The following PPFIBP1 variants were observed in gnomAD, a reference collection of about 807,000 sequenced individuals.
The protein encoded by PPFIBP1 is PPFIB scaffold protein 1.
Under a neutral mutation model 137.8 loss-of-function variants are expected in PPFIBP1, and 112 were observed. The observed-to-expected ratio is 0.81, with a 90% CI of 0.70 to 0.95. PPFIBP1 has a LOEUF of 0.95. Ranked by LOEUF, PPFIBP1 falls within the 40% of genes least tolerant of loss-of-function variation. The pLI is 0.00. For synonymous variants in PPFIBP1, 378 were observed against 417.3 expected (o/e 0.91, Z 1.15); for missense variants, 1,083 against 1,196.6 (o/e 0.91, Z 1.40).
At chr12:27,558,748 A>C (rs917435572) in intron 1 of PPFIBP1, among the ~76,000 whole-genome samples, 1 of 152,224 alleles carries the variant, frequency 6.6e-6, no homozygotes, top group African/African-American at 2.4e-5. Flanking sequence ...AAGTTGTGTT[A>C]TCGCAAAGCT....
intron 2 of PPFIBP1, among the ~76,000 whole-genome samples, chr12:27,606,529 C>G (rs968395595): frequency 6.6e-6 from 1 of 152,170 alleles, no homozygotes. Flanking sequence ...TTTGCTGATG[C>G]TTACATAAAC....
Position 27,653,414 on chromosome 12 carries a change from C to T in PPFIBP1, c.604-1308C>T, listed in dbSNP as rs189602250. ...CAGCCAGGTCAACATGGTAAAACCC[C>T]CGTCTCTACTAAAAATACAAAAATT... On this transcript the variant is annotated intron_variant, in intron 7 of 29. Transcript: ENST00000228425. Among the ~76,000 whole-genome samples, 64 of 151,976 alleles carry T rather than the reference C, an allele frequency of 4.2e-4. 1 individual carries two copies. The East Asian group carries it at 0.012, about 28-fold the overall frequency.
At chr12:27,556,488 A>G (rs145468126) in intron 1 of PPFIBP1, among the ~76,000 whole-genome samples, 84 of 152,326 alleles carry the variant, frequency 5.5e-4, no homozygotes, top group African/African-American at 1.9e-3. Flanking sequence ...TTAGTTATAC[A>G]GATTTTTTGC....
intron 1 of PPFIBP1, among the ~76,000 whole-genome samples, chr12:27,557,314 C>T (rs1435684049): frequency 4.7e-5 from 7 of 150,408 alleles, no homozygotes; most frequent in South Asian, 2.1e-4. Context: ...CGGCTCTCTG[C>T]GAGCTCCACC....
chr12:27,615,628 G>A (rs548144148), intron 2 of PPFIBP1, among the ~76,000 whole-genome samples: 2 of 152,260 alleles, frequency 1.3e-5, no homozygotes, highest in Non-Finnish European at 2.9e-5. Flanking sequence ...TGTGGAAAAA[G>A]GATTACATTT....
intron 24 of PPFIBP1, among the ~76,000 whole-genome samples, chr12:27,685,462 T>C (rs1049933868): frequency 3.3e-5 from 5 of 152,150 alleles, no homozygotes; most frequent in African/African-American, 9.6e-5. Flanking sequence ...TCCCTGCTTT[T>C]AATAGCTCAC....
At chr12:27,541,342 T>G (rs1945639746) in intron 1 of PPFIBP1, among the ~76,000 whole-genome samples, 3 of 152,254 alleles carry the variant, frequency 2.0e-5, no homozygotes, top group Admixed American at 2.0e-4. Flanking sequence ...GCTTTTTCAT[T>G]TCTTTTCCCT....
intron 4 of PPFIBP1, 90 bp downstream of exon 4, chr12:27,635,205 A>T: frequency 8.0e-7 from 1 of 1,252,454 alleles, no homozygotes; most frequent in African/African-American, 1.5e-5. Flanking sequence ...GAACAAGAAA[A>T]GTTTAGGGCA....
At chr12:27,588,833 G>A (rs187070014) in intron 2 of PPFIBP1, among the ~76,000 whole-genome samples, 1 of 152,290 alleles carries the variant, frequency 6.6e-6, no homozygotes, top group Admixed American at 6.5e-5. Context: ...AATCAAATGG[G>A]CATTAAAGCC....
intron 1 of PPFIBP1, among the ~76,000 whole-genome samples, chr12:27,555,742 T>G (rs1183168701): frequency 6.6e-6 from 1 of 152,208 alleles, no homozygotes; most frequent in Non-Finnish European, 1.5e-5. Context: ...ACTCAAATCC[T>G]TTTAAGAAAT....
chr12:27,640,452 C>T (rs1028881187), intron 4 of PPFIBP1, among the ~76,000 whole-genome samples: 3 of 152,174 alleles, frequency 2.0e-5, no homozygotes, highest in Non-Finnish European at 2.9e-5. Flanking sequence ...GAAGTTGCTG[C>T]TATACTGAGA....
intron 2 of PPFIBP1, among the ~76,000 whole-genome samples, chr12:27,589,099 G>T (rs12099617): frequency 6.6e-6 from 1 of 152,096 alleles, no homozygotes; most frequent in Admixed American, 6.5e-5. Context: ...AAACCCACCC[G>T]TCCATCTTGA....
At chr12:27,662,280 G>T (rs1172268042) in intron 11 of PPFIBP1, among the ~76,000 whole-genome samples, 3 of 152,220 alleles carry the variant, frequency 2.0e-5, no homozygotes, top group Admixed American at 2.0e-4. Flanking sequence ...GCTGGAACAT[G>T]AAGTGCAGGT....
chr12:27,688,149 C>A (rs771082823), intron 25 of PPFIBP1, 149 bp from the exon 26 acceptor site: 1 of 927,646 alleles, frequency 1.1e-6, no homozygotes, highest in Non-Finnish European at 1.6e-6. Context: ...AAGCTTGAAA[C>A]TCAAACTATG....
At chr12:27,690,628 G>C (rs1343214353) in intron 27 of PPFIBP1, among the ~76,000 whole-genome samples, 1 of 152,142 alleles carries the variant, frequency 6.6e-6, no homozygotes, top group Non-Finnish European at 1.5e-5. Context: ...AAATAATAAT[G>C]AACAGCATAA....
chr12:27,606,963 A>C (rs2054587674), intron 2 of PPFIBP1, among the ~76,000 whole-genome samples: 1 of 152,226 alleles, frequency 6.6e-6, no homozygotes, highest in Admixed American at 6.5e-5. Context: ...ATGTGCATTG[A>C]AAATGCAAAT....
At chr12:27,677,714 G>T (rs2060613279) in intron 19 of PPFIBP1, 2 of 152,242 alleles carry the variant, frequency 1.3e-5, no homozygotes, top group South Asian at 4.1e-4. Context: ...TAAGGCAGGG[G>T]ACAAATGGGG....
chr12:27,576,141 T>C (rs2126680), intron 1 of PPFIBP1, among the ~76,000 whole-genome samples: 152,291 of 152,310 alleles, frequency 1, 76,136 homozygotes, highest in Middle Eastern at 1. Flanking sequence ...CTCCCATCTC[T>C]GCCCCATCCC....
At chr12:27,531,003 AC>A (rs1183977635) in intron 1 of PPFIBP1, among the ~76,000 whole-genome samples, 8 of 152,208 alleles carry the variant, frequency 5.3e-5, no homozygotes, top group African/African-American at 1.9e-4. Context: ...ACTTGGTTAA[AC>A]CACAGAACTT....
Sources: gnomAD v4.1 joint callset for allele counts (sites outside exome capture counted in the v4.1 genomes callset) on GRCh38, gnomAD v4.1.1 for gene constraint, MANE v1.5 for transcripts, NCBI Gene and HGNC (gene_info 2026-07-23, HGNC 2026-07-21) for gene names.